The following LIMCH1 variants were observed in gnomAD, a reference collection of about 807,000 sequenced individuals.
LIMCH1 encodes LIM and calponin homology domains-containing protein 1.
In LIMCH1, 113 loss-of-function variants were observed where a neutral mutation model predicts 176.5. That is an observed-to-expected ratio of 0.64 (90% CI 0.55 to 0.75). LIMCH1 has a LOEUF of 0.75. Among genes scored for constraint, LIMCH1 ranks in the 30% least tolerant of loss-of-function variants. The probability of loss-of-function intolerance (pLI) is 0.00; values close to 1 mark genes in which losing one functional copy is unlikely to be tolerated. For missense variants in LIMCH1, 1,674 were observed against 1,814.9 expected (o/e 0.92, Z 1.41); for synonymous variants, 619 against 645.9 (o/e 0.96, Z 0.63).
chr4:41,685,663 A>G (rs1022044591), intron 27 of LIMCH1, 47 bp from the exon 28 acceptor site: 2 of 1,608,214 alleles, frequency 1.2e-6, no homozygotes, highest in African/African-American at 1.3e-5. Context: ...CTAGGTAGTA[A>G]GGTGATTTTA....
chr4:41,490,236 G>A (rs1045969881), intron 1 of LIMCH1, among the ~76,000 whole-genome samples: 1 of 150,880 alleles, frequency 6.6e-6, no homozygotes, highest in South Asian at 2.1e-4. Flanking sequence ...AGAGTCAGCT[G>A]TAGGCTCTGC....
chr4:41,548,191 T>A (rs1156913096), intron 1 of LIMCH1, among the ~76,000 whole-genome samples: 3 of 152,042 alleles, frequency 2.0e-5, no homozygotes, highest in African/African-American at 4.8e-5. Flanking sequence ...GTTTAAGGCT[T>A]ACACTTTAAT....
At chr4:41,577,176 C>T (rs544428829) in intron 1 of LIMCH1, among the ~76,000 whole-genome samples, 5 of 151,376 alleles carry the variant, frequency 3.3e-5, no homozygotes, top group South Asian at 2.1e-4. Flanking sequence ...TCTGGAAATA[C>T]GTATAAAAAA....
At position 41,602,402 on chromosome 4, in the gene LIMCH1, A is replaced by G. The variant is rs188672604; in HGVS notation, c.-133-1473A>G. ...TTCAACAAATATTTTGTGAGCTTCT[A>G]CTATGTACCAAGCATAATTTTTAGC... On this transcript the variant is annotated intron_variant, in intron 2 of 31. Coordinates refer to ENST00000503057, the MANE Select transcript of LIMCH1 (RefSeq NM_001330672.2). 1.7e-4 allele frequency among the ~76,000 whole-genome samples: 26 copies of G among 152,318 alleles called. No individual in the cohort carries two copies. The East Asian group carries it at 4.4e-3, about 26-fold the overall frequency.
At chr4:41,463,503 C>T (rs1169840236) in intron 1 of LIMCH1, among the ~76,000 whole-genome samples, 1 of 151,948 alleles carries the variant, frequency 6.6e-6, no homozygotes, top group East Asian at 1.9e-4. Flanking sequence ...AGTTAGAAAT[C>T]TATCATGAAA....
chr4:41,663,050 C>G (rs2094683758), intron 20 of LIMCH1, 66 bp downstream of exon 20: 4 of 1,433,430 alleles, frequency 2.8e-6, no homozygotes, highest in Non-Finnish European at 2.9e-6. Context: ...TTACAGCTAG[C>G]TGCTGCTGTG....
At chr4:41,398,774 A>T (rs11934259) in intron 1 of LIMCH1, among the ~76,000 whole-genome samples, 4,003 of 152,188 alleles carry the variant, frequency 0.026, 185 homozygotes, top group African/African-American at 0.091. Flanking sequence ...AAGAGTGTGA[A>T]ATAAATATTC....
At chr4:41,443,578 A>G (rs751194635) in intron 1 of LIMCH1, among the ~76,000 whole-genome samples, 5 of 152,224 alleles carry the variant, frequency 3.3e-5, no homozygotes, top group Non-Finnish European at 7.3e-5. Flanking sequence ...GTATTTTTTT[A>G]AACCTTCACA....
chr4:41,605,525 T>C (rs893881990), intron 3 of LIMCH1, among the ~76,000 whole-genome samples: 3 of 152,208 alleles, frequency 2.0e-5, no homozygotes, highest in African/African-American at 7.2e-5. Context: ...ACAGTCTCTT[T>C]CATTGCTTCT....
intron 21 of LIMCH1, among the ~76,000 whole-genome samples, chr4:41,669,270 T>C (rs2094933794): frequency 6.6e-6 from 1 of 152,138 alleles, no homozygotes; most frequent in Non-Finnish European, 1.5e-5. Context: ...CCATAAAAAG[T>C]GTTTAGCTCA....
intron 1 of LIMCH1, among the ~76,000 whole-genome samples, chr4:41,396,273 T>C (rs1162052055): frequency 6.6e-6 from 1 of 152,222 alleles, no homozygotes; most frequent in Non-Finnish European, 1.5e-5. Context: ...GTAAACTTTG[T>C]TAAGGTTTCA....
At chr4:41,581,459 C>T (rs191006845) in intron 1 of LIMCH1, among the ~76,000 whole-genome samples, 1 of 152,196 alleles carries the variant, frequency 6.6e-6, no homozygotes, top group East Asian at 1.9e-4. Flanking sequence ...TTTCCCACAG[C>T]CCCTGGCAAC....
At chr4:41,694,903 G>C (rs1378289317) in intron 31 of LIMCH1, among the ~76,000 whole-genome samples, 1 of 151,892 alleles carries the variant, frequency 6.6e-6, no homozygotes, top group Non-Finnish European at 1.5e-5. Flanking sequence ...ATCAGCTCTG[G>C]ATATCATCAA....
chr4:41,690,913 G>A (rs1041953215), intron 30 of LIMCH1, among the ~76,000 whole-genome samples: 1 of 152,152 alleles, frequency 6.6e-6, no homozygotes, highest in African/African-American at 2.4e-5. Context: ...GATAATGTAT[G>A]TCCTAAATGG....
intron 1 of LIMCH1, among the ~76,000 whole-genome samples, chr4:41,450,963 C>T (rs569937672): frequency 6.6e-6 from 1 of 152,128 alleles, no homozygotes; most frequent in Admixed American, 6.6e-5. Context: ...AGTGTAGAAG[C>T]TGAAATACTA....
chr4:41,458,605 C>T (rs1199839171), intron 1 of LIMCH1, among the ~76,000 whole-genome samples: 2 of 151,426 alleles, frequency 1.3e-5, no homozygotes, highest in Non-Finnish European at 2.9e-5. Context: ...GAAACCCCGT[C>T]TCTACTAAAA....
chr4:41,514,194 A>G (rs928817892), intron 2 of LIMCH1, among the ~76,000 whole-genome samples: 1 of 152,138 alleles, frequency 6.6e-6, no homozygotes, highest in Non-Finnish European at 1.5e-5. Context: ...TGAGGCCCTA[A>G]CAAGGACTGG....
intron 1 of LIMCH1, among the ~76,000 whole-genome samples, chr4:41,375,484 C>G (rs1340735983): frequency 6.6e-6 from 1 of 152,216 alleles, no homozygotes; most frequent in Non-Finnish European, 1.5e-5. Flanking sequence ...AACCTTTACA[C>G]TGAATTACTG....
chr4:41,565,960 C>A (rs1168891012), intron 1 of LIMCH1, among the ~76,000 whole-genome samples: 1 of 152,120 alleles, frequency 6.6e-6, no homozygotes, highest in Non-Finnish European at 1.5e-5. Context: ...CTTATTTAAC[C>A]CTGACAACTT....
Sources: gnomAD v4.1 joint callset for allele counts (sites outside exome capture counted in the v4.1 genomes callset) on GRCh38, gnomAD v4.1.1 for gene constraint, MANE v1.5 for transcripts, NCBI Gene and HGNC (gene_info 2026-07-23, HGNC 2026-07-21) for gene names.